The following PROM2 variants were observed in gnomAD, a reference collection of about 807,000 sequenced individuals.
PROM2 encodes prominin 2, also known as prominin-2.
A neutral mutation model predicts 110.2 loss-of-function variants in PROM2; 90 were observed. The ratio of observed to expected loss-of-function variants is 0.82; its 90% CI spans 0.69 to 0.97. The LOEUF (loss-of-function observed/expected upper bound fraction) is 0.97, where lower values mean the gene tolerates loss of function less well. PROM2 is among the 50% of genes least tolerant of loss of function. The probability of loss-of-function intolerance (pLI) is 0.00; values close to 1 mark genes in which losing one functional copy is unlikely to be tolerated. For synonymous variants in PROM2, 470 were observed against 467.8 expected (o/e 1.00, Z -0.06); for missense variants, 1,009 against 1,074.8 (o/e 0.94, Z 0.86).
At position 95,276,184 on chromosome 2, in the gene PROM2, C is replaced by T; in HGVS notation, c.498-43C>T. On this transcript the variant is annotated intron_variant, in intron 3 of 23. Coordinates refer to ENST00000317620, the MANE Select transcript of PROM2 (RefSeq NM_001165978.3). This position sits in a 1 kb window ranked among gnomAD's most constrained non-coding sequence, Gnocchi z 4.6. The stretch of plus-strand genomic sequence containing the variant: ...GGGCGGGCTGTGGCCCCCAGGCTCC[C>T]TCTTACCCAGCAAGCACCTTCCTCC... The T allele has an allele frequency of 6.2e-7, 1 of 1,613,364 alleles. No homozygotes were observed. The highest frequency in any genetic ancestry group is 8.5e-7 in the Non-Finnish European group (1 of 1,179,700).
Position 95,274,519 on chromosome 2 carries a change from G to C in PROM2, c.-67G>C, listed in dbSNP as rs1276764865. 1.3e-6 allele frequency: 2 copies of C among 1,487,400 alleles called. No homozygotes were observed. Among genetic ancestry groups the C allele is most frequent in the African/African-American group, 1.4e-5 (1 of 70,640 alleles). The allele number at this position is 1,487,400 out of a possible 1,614,324, so 92.1% of individuals were successfully genotyped here. A position where few individuals can be genotyped will look rare whatever the true frequency, so the allele number is the denominator to read the frequency against. ...GGAGAGAGGGACAGAGGCTGGAGAA[G>C]GATGTATGGCCTGCCCTGGGCTTGT... On this transcript the variant is annotated 5_prime_UTR_variant, in exon 1 of 24. Coordinates refer to ENST00000317620, the MANE Select transcript of PROM2 (RefSeq NM_001165978.3).
chr2:95,274,959 G>A, intron 1 of PROM2, 130 bp downstream of exon 1: 1 of 1,263,074 alleles, frequency 7.9e-7, no homozygotes, highest in South Asian at 1.7e-5. Flanking sequence ...GTAGAAGGCG[G>A]AGGATCTGGG....
chr2:95,282,357 C>G (rs1247614389), intron 14 of PROM2, 131 bp downstream of exon 14: 1 of 783,748 alleles, frequency 1.3e-6, no homozygotes. Flanking sequence ...ATTAAGGTGC[C>G]CAAGGGCAGA....
At chr2:95,280,114 G>C (rs1676964231) in intron 11 of PROM2, 117 bp downstream of exon 11, 1 of 1,079,366 alleles carries the variant, frequency 9.3e-7, no homozygotes. Flanking sequence ...TCTGAATAAA[G>C]GGGTTGAACC....
intron 8 of PROM2, 147 bp downstream of exon 8, chr2:95,278,151 A>G (rs1224790173): frequency 1.4e-5 from 9 of 656,836 alleles, no homozygotes; most frequent in Non-Finnish European, 2.1e-5. Context: ...CCCGACGACC[A>G]TCCTTGGTGT....
At chr2:95,285,738 G>A in intron 16 of PROM2, 28 bp downstream of exon 16, 1 of 1,572,004 alleles carries the variant, frequency 6.4e-7, no homozygotes, top group South Asian at 1.2e-5. Flanking sequence ...CCCCGACTGG[G>A]CAGCAGGAGC....
Position 95,277,523 on chromosome 2 carries a change from T to G in PROM2, c.932T>G (p.Leu311Arg). The G allele has an allele frequency of 6.2e-7, 1 of 1,607,358 alleles. No individual in the cohort carries two copies. The highest frequency in any genetic ancestry group is 8.5e-7 in the Non-Finnish European group (1 of 1,177,482). The change falls in exon 7 of 24, where the codon CTG becomes CGG. Residue 311 changes from leucine to arginine, a missense_variant. By Grantham distance (102) the Leu-to-Arg change is moderately radical. Coordinates refer to ENST00000317620, the MANE Select transcript of PROM2 (RefSeq NM_001165978.3). ...TGCCAGGGAGATTGTGCAGGGGCCC[T>G]GAGCTGGGCCCGCACCCTGGAGCTG... ...ARCQGDCAGA[L>R]SWARTLELGA... is the part of the protein sequence containing the mutation.
At chr2:95,279,509 A>C (rs1424567221) in intron 10 of PROM2, among the ~76,000 whole-genome samples, 7 of 151,692 alleles carry the variant, frequency 4.6e-5, no homozygotes, top group Admixed American at 4.6e-4. Flanking sequence ...GTTGGCCAGG[A>C]TTGTCTCTAT....
At chr2:95,286,625 G>A (rs1428645894) in intron 17 of PROM2, 54 bp downstream of exon 17, 1 of 1,514,400 alleles carries the variant, frequency 6.6e-7, no homozygotes, top group Non-Finnish European at 9.2e-7. Context: ...GACGTGGAGA[G>A]GGGACAGTGA....
intron 11 of PROM2, 131 bp from the exon 12 acceptor site, chr2:95,281,111 C>T: frequency 2.3e-6 from 3 of 1,282,124 alleles, no homozygotes; most frequent in Non-Finnish European, 3.2e-6. Context: ...CTCCAAGCTC[C>T]TTTCCTCTAA....
rs749414885 is a variant in PROM2 at position 95,277,930 on chromosome 2, G to A, written c.976G>A (p.Val326Met). The change falls in exon 8 of 24, where the codon GTG becomes ATG. Residue 326 changes from valine (V) to methionine (M), a missense_variant and splice_region_variant. Val to Met is a conservative substitution (Grantham distance 21, BLOSUM62 1). Transcript: ENST00000317620. Reference sequence around the variant, plus strand: ...CATAACCCACCTTCCCCCATTTCAGGTGCCCTCTGTGGACCATGTCCTGCA... The same window carrying A: ...CATAACCCACCTTCCCCCATTTCAGATGCCCTCTGTGGACCATGTCCTGCA... ...TLELGADFSQ[V>M]PSVDHVLHQL... 7 of 1,611,674 alleles carry A rather than the reference G, an allele frequency of 4.3e-6. No individual in the cohort carries two copies. Among genetic ancestry groups the A allele is most frequent in the African/African-American group, 1.3e-5 (1 of 74,632 alleles).
Position 95,279,015 on chromosome 2 carries a change from A to G in PROM2, c.1145A>G (p.Glu382Gly). Residue 382 changes from glutamate (E) to glycine (G), a missense_variant, in exon 10 of 24, where the codon GAA (glutamate) becomes GGA (glycine). Transcript: ENST00000317620. ...ELKKAVAQQPEGVRTLAEGFP... is the reference protein window; with the variant it reads ...ELKKAVAQQPGGVRTLAEGFP... ...AAGAAGGCAGTGGCCCAGCAGCCGG[A>G]AGGGGTGAGGACACTGGCTGAAGGG... 1.9e-6 allele frequency: 3 copies of G among 1,610,230 alleles called. No individual in the cohort carries two copies. Among genetic ancestry groups the G allele is most frequent in the East Asian group, 2.2e-5 (1 of 44,824 alleles).
In PROM2 at chr2:95,288,207, A is replaced by G; in HGVS notation, c.2245-4A>G. 2 of 1,613,334 alleles carry G rather than the reference A, an allele frequency of 1.2e-6. No homozygotes were observed. Among genetic ancestry groups the G allele is most frequent in the Non-Finnish European group, 1.7e-6 (2 of 1,179,958 alleles). ...GCATCACCTGCCTCATGTTGGCGCC[A>G]CAGGTGACTCAGCGCATTGCCACCT... On this transcript the variant is annotated splice_region_variant and splice_polypyrimidine_tract_variant and intron_variant, in intron 20 of 23. Coordinates refer to ENST00000317620, the MANE Select transcript of PROM2 (RefSeq NM_001165978.3).
Position 95,286,556 on chromosome 2 carries a change from C to G in PROM2, c.2025C>G (p.Pro675=), listed in dbSNP as rs1677367544. 1 of 1,613,524 alleles carries G rather than the reference C, an allele frequency of 6.2e-7. No individual in the cohort carries two copies. Among genetic ancestry groups the G allele is most frequent in the African/African-American group, 1.3e-5 (1 of 74,976 alleles). The part of the protein sequence containing the change: ...LRNLHQEKVV[P]QQSLVAKLNL... ...ACCTTCACCAGGAGAAGGTCGTCCC[C>G]CAGCAGAGCCTTGTGGTCAGTTTGG... is the stretch of plus-strand genomic sequence containing the variant. Residue 675 remains proline (P), a synonymous_variant, in exon 17 of 24, where the codon CCC becomes CCG. Transcript: ENST00000317620.
In PROM2 at chr2:95,279,944, C is replaced by T. The variant is rs773160830; in HGVS notation, c.1374C>T (p.Asp458=). Residue 458 remains aspartate (D), a synonymous_variant, in exon 11 of 24, where the codon GAC becomes GAT. Transcript: ENST00000317620. The stretch of plus-strand genomic sequence containing the variant: ...GCATCTGGGGCCTGTCTGCCAGGGA[C>T]GACCCCAGCCACCCAGAAGCCAAGG... The part of the protein sequence containing the change: ...NLGIWGLSAR[D]DPSHPEAKGE... The T allele has an allele frequency of 8.0e-5, 122 of 1,528,398 alleles. No individual in the cohort carries two copies. Among genetic ancestry groups the T allele is most frequent in the Non-Finnish European group, 8.3e-5 (94 of 1,135,558 alleles). The allele number at this position is 1,528,398 out of a possible 1,614,324, so 94.7% of individuals were successfully genotyped here.
chr2:95,279,230 C>T (rs1676879861), intron 10 of PROM2, 86 bp downstream of exon 10: 2 of 1,023,650 alleles, frequency 2.0e-6, no homozygotes, highest in South Asian at 1.7e-5. Context: ...GCCCCATTCC[C>T]AGCCTCTATC....
rs1677608054 is a variant in PROM2, at chr2:95,289,982, G to C, written c.*769G>C. On this transcript the variant is annotated 3_prime_UTR_variant, in exon 24 of 24. Transcript: ENST00000317620. The stretch of plus-strand genomic sequence containing the variant: ...GTCTGAAGGCCGAGCCTCCCTGCCT[G>C]CACCCAAGTTAGAAATGGGGGTACC... 2 of 152,284 alleles carry C rather than the reference G, an allele frequency of 1.3e-5. No individual in the cohort carries two copies. The highest frequency in any genetic ancestry group is 4.1e-4 in the South Asian group (2 of 4,832). 9.4% of individuals were successfully genotyped at this position (152,284 alleles called of 1,614,324 possible).
Position 95,275,993 on chromosome 2 carries a change from G to A in PROM2, c.358G>A (p.Val120Met), listed in dbSNP as rs1294949925. The change falls in exon 3 of 24, where the codon GTG becomes ATG. Residue 120 changes from valine to methionine, a missense_variant. Val to Met is a conservative substitution (Grantham distance 21, BLOSUM62 1). Transcript: ENST00000317620. This position sits in a 1 kb window ranked among gnomAD's most constrained non-coding sequence, Gnocchi z 4.4. ...GATCGCGGGCCTCTACCTGCTGCTG[G>A]TGCCCACTGCCGGGCTTTGCTTCTG... is the stretch of plus-strand genomic sequence containing the variant. ...AVIAGLYLLLVPTAGLCFCCC... is the reference protein window; with the variant it reads ...AVIAGLYLLLMPTAGLCFCCC... 1 of 1,612,094 alleles carries A rather than the reference G, an allele frequency of 6.2e-7. No homozygotes were observed. The highest frequency in any genetic ancestry group is 1.3e-5 in the African/African-American group (1 of 74,916).
Position 95,277,050 on chromosome 2 carries a change from G to C in PROM2, c.761G>C (p.Ser254Thr). 1 of 1,551,560 alleles carries C rather than the reference G, an allele frequency of 6.4e-7. No individual in the cohort carries two copies. Among genetic ancestry groups the C allele is most frequent in the South Asian group, 1.2e-5 (1 of 84,024 alleles). Residue 254 changes from serine (S) to threonine (T), a missense_variant, in exon 6 of 24, where the codon AGT becomes ACT. Coordinates refer to ENST00000317620, the MANE Select transcript of PROM2 (RefSeq NM_001165978.3). ...SVYPLLAAVG[S>T]LGQVLQVSVH... ...TACCCCTTGCTGGCGGCCGTGGGCA[G>C]TTTGGGCCAGGGTGAGCTGGAGCCG...
Sources: gnomAD v4.1 joint callset for allele counts (sites outside exome capture counted in the v4.1 genomes callset) on GRCh38, gnomAD v4.1.1 for gene constraint, Gnocchi (gnomAD v3.1) non-coding constraint, MANE v1.5 for transcripts, NCBI Gene and HGNC (gene_info 2026-07-23, HGNC 2026-07-21) for gene names.